The following CSMD1 variants were observed in gnomAD, a reference collection of about 807,000 sequenced individuals.
CSMD1 encodes CUB and sushi domain-containing protein 1.
A neutral mutation model predicts 417.5 loss-of-function variants in CSMD1; 213 were observed. That is an observed-to-expected ratio of 0.51 (90% confidence interval 0.46 to 0.57). CSMD1 has a LOEUF of 0.57. Ranked by LOEUF, CSMD1 falls within the 20% of genes least tolerant of loss-of-function variation. The probability of loss-of-function intolerance (pLI) is 0.00; values close to 1 mark genes in which losing one functional copy is unlikely to be tolerated. For missense variants in CSMD1, 6,923 were observed against 4,529.7 expected (o/e 1.53, Z -15.17); for synonymous variants, 2,862 against 1,736.8 (o/e 1.65, Z -16.11).
At chr8:3,979,019 G>C (rs917503041) in intron 5 of CSMD1, among the ~76,000 whole-genome samples, 1 of 152,192 alleles carries the variant, frequency 6.6e-6, no homozygotes, top group East Asian at 1.9e-4. Context: ...AAAGAACAAA[G>C]ATGCTGCACA....
At chr8:2,948,645 G>A (rs933137997) in intron 68 of CSMD1, among the ~76,000 whole-genome samples, 19 of 152,010 alleles carry the variant, frequency 1.2e-4, no homozygotes, top group African/African-American at 2.4e-4. Flanking sequence ...GGCAACATGC[G>A]GAGGTTATTT....
At chr8:3,034,589 TAATA>T (rs1366131097) in intron 50 of CSMD1, among the ~76,000 whole-genome samples, 3 of 152,180 alleles carry the variant, frequency 2.0e-5, no homozygotes, top group African/African-American at 7.2e-5. Flanking sequence ...GTATAAATTT[TAATA>T]TATACCTACT....
intron 1 of CSMD1, among the ~76,000 whole-genome samples, chr8:4,934,711 A>T (rs1807481188): frequency 6.6e-6 from 1 of 152,192 alleles, no homozygotes; most frequent in Admixed American, 6.5e-5. Flanking sequence ...TCTATCAATC[A>T]GTTTTCATCC....
chr8:4,394,374 G>A (rs939021317), intron 3 of CSMD1, among the ~76,000 whole-genome samples: 4 of 152,160 alleles, frequency 2.6e-5, no homozygotes, highest in South Asian at 4.1e-4. Context: ...TTTCCATCAT[G>A]AGCTCCACTA....
At chr8:2,998,444 T>A (rs1347616436) in intron 53 of CSMD1, among the ~76,000 whole-genome samples, 1 of 152,208 alleles carries the variant, frequency 6.6e-6, no homozygotes, top group Non-Finnish European at 1.5e-5. Flanking sequence ...TCATAATTAT[T>A]ATTTCTCTCT....
intron 2 of CSMD1, among the ~76,000 whole-genome samples, chr8:4,434,711 C>T (rs1426631070): frequency 6.6e-6 from 1 of 152,142 alleles, no homozygotes; most frequent in Non-Finnish European, 1.5e-5. Context: ...TGTTTTCATG[C>T]CCCTGACAGT....
intron 2 of CSMD1, among the ~76,000 whole-genome samples, chr8:4,469,105 G>C (rs533580408): frequency 2.6e-5 from 4 of 152,238 alleles, no homozygotes; most frequent in African/African-American, 9.6e-5. Context: ...TGAAGAGTTT[G>C]GTGTGGCCTC....
At chr8:3,156,814 C>G (rs1399940885) in intron 39 of CSMD1, among the ~76,000 whole-genome samples, 1 of 151,636 alleles carries the variant, frequency 6.6e-6, no homozygotes, top group East Asian at 1.9e-4. Context: ...GGTTAGGATT[C>G]CATGGAGACG....
At chr8:3,715,961 G>C (rs183594121) in intron 6 of CSMD1, among the ~76,000 whole-genome samples, 27 of 152,324 alleles carry the variant, frequency 1.8e-4, no homozygotes, top group South Asian at 8.3e-4. Flanking sequence ...AAACCCCTCA[G>C]ATGAACGGTT....
intron 1 of CSMD1, among the ~76,000 whole-genome samples, chr8:4,739,959 AG>A (rs1810498284): frequency 6.6e-6 from 1 of 152,128 alleles, no homozygotes; most frequent in African/African-American, 2.4e-5. Flanking sequence ...AGTCTGAGCT[AG>A]GGAAATAGCT....
intron 20 of CSMD1, among the ~76,000 whole-genome samples, chr8:3,365,118 C>T (rs962061263): frequency 6.6e-6 from 1 of 151,960 alleles, no homozygotes; most frequent in African/African-American, 2.4e-5. Context: ...TGAGATACAC[C>T]AGGGGAGAAT....
chr8:4,817,226 G>A (rs1799260136), intron 1 of CSMD1, among the ~76,000 whole-genome samples: 1 of 152,102 alleles, frequency 6.6e-6, no homozygotes, highest in South Asian at 2.1e-4. Context: ...TTTTAACCTA[G>A]ATTTGCAGTT....
intron 10 of CSMD1, among the ~76,000 whole-genome samples, chr8:3,547,726 C>G (rs375070376): frequency 6.6e-6 from 1 of 152,102 alleles, no homozygotes; most frequent in East Asian, 1.9e-4. Flanking sequence ...AACAATAGAT[C>G]TTATTTTGGC....
At chr8:4,799,588 G>A (rs1266629936) in intron 1 of CSMD1, among the ~76,000 whole-genome samples, 1 of 89,316 alleles carries the variant, frequency 1.1e-5, no homozygotes, top group African/African-American at 4.9e-5. Flanking sequence ...GAGAGAGCAA[G>A]ACTCCGTCTC....
chr8:4,298,063 G>A (rs986748473), intron 3 of CSMD1, among the ~76,000 whole-genome samples: 5 of 152,052 alleles, frequency 3.3e-5, no homozygotes, highest in African/African-American at 1.2e-4. Context: ...ACCAGTACAT[G>A]CTAGCGTCTC....
chr8:3,741,681 A>T (rs1158721138), intron 6 of CSMD1, among the ~76,000 whole-genome samples: 1 of 152,220 alleles, frequency 6.6e-6, no homozygotes, highest in African/African-American at 2.4e-5. Context: ...TCTAACTGGG[A>T]AATTAACACT....
chr8:4,935,146 T>G (rs989136564), intron 1 of CSMD1, among the ~76,000 whole-genome samples: 4 of 152,238 alleles, frequency 2.6e-5, no homozygotes, highest in Non-Finnish European at 4.4e-5. Context: ...TGTGTATCAG[T>G]CACAGGTGAG....
At chr8:3,679,927 G>A (rs997391193) in intron 7 of CSMD1, among the ~76,000 whole-genome samples, 2 of 152,162 alleles carry the variant, frequency 1.3e-5, no homozygotes, top group African/African-American at 2.4e-5. Context: ...ACTTGCTCCT[G>A]AATGACTACT....
chr8:3,709,300 T>G lies in CSMD1; in HGVS notation c.932-809A>C, dbSNP rs563453683. On this transcript the variant is annotated intron_variant, in intron 6 of 69. Coordinates refer to ENST00000635120, the MANE Select transcript of CSMD1 (RefSeq NM_033225.6). ...CATTTCTGAGGTCCCCATATGAGAC[T>G]GGACCTACAGCAGCTGCGAGCAGGC... Among the ~76,000 whole-genome samples, 4 of 152,244 alleles carry G rather than the reference T, an allele frequency of 2.6e-5. No individual in the cohort carries two copies. In the South Asian group the frequency reaches 8.3e-4, roughly 32 times the overall value.
Sources: allele counts gnomAD v4.1 joint callset (sites outside exome capture counted in the v4.1 genomes callset), GRCh38; gene constraint gnomAD v4.1.1; transcripts MANE v1.5; gene names NCBI Gene and HGNC (gene_info 2026-07-23, HGNC 2026-07-21).